NTM: variants seen among roughly 807,000 people sequenced by gnomAD.
NTM encodes IgLON family member 2.
In NTM, 13 loss-of-function variants were observed where a neutral mutation model predicts 42.1. The observed-to-expected ratio is 0.31, with a 90% CI of 0.20 to 0.49. The LOEUF (loss-of-function observed/expected upper bound fraction) is 0.49, where lower values mean the gene tolerates loss of function less well. NTM is among the 20% of genes least tolerant of loss of function. The probability of loss-of-function intolerance (pLI) is 0.99; values close to 1 mark genes in which losing one functional copy is unlikely to be tolerated. For missense variants in NTM, 373 were observed against 452.8 expected (o/e 0.82, Z 1.60); for synonymous variants, 187 against 179.2 (o/e 1.04, Z -0.35).
chr11:131,640,007 A>T (rs2008301), intron 1 of NTM, among the ~76,000 whole-genome samples: 7,787 of 152,042 alleles, frequency 0.051, 654 homozygotes, highest in African/African-American at 0.18. Context: ...AAATAAAAAA[A>T]AAGTGAATGG....
chr11:131,798,069 G>T (rs902925304), intron 1 of NTM, among the ~76,000 whole-genome samples: 1 of 152,138 alleles, frequency 6.6e-6, no homozygotes, highest in Non-Finnish European at 1.5e-5. Flanking sequence ...ACTGCCCAAG[G>T]TTGGCAGCTG....
At chr11:131,648,631 C>T (rs374899341) in intron 1 of NTM, among the ~76,000 whole-genome samples, 11 of 152,208 alleles carry the variant, frequency 7.2e-5, no homozygotes, top group South Asian at 6.2e-4. Flanking sequence ...TTGTGTCCTG[C>T]GACAAGTACA....
chr11:131,547,226 C>T (rs2054062984), intron 1 of NTM, among the ~76,000 whole-genome samples: 1 of 152,172 alleles, frequency 6.6e-6, no homozygotes. Context: ...ACCCACAAGT[C>T]AGTGAATGTT....
chr11:131,578,036 C>T (rs185542965), intron 1 of NTM, among the ~76,000 whole-genome samples: 3 of 152,262 alleles, frequency 2.0e-5, no homozygotes, highest in East Asian at 3.9e-4. Context: ...CAATGTCAAG[C>T]GGCAGGCTGC....
At chr11:131,593,154 A>G (rs1406280644) in intron 1 of NTM, among the ~76,000 whole-genome samples, 1 of 152,112 alleles carries the variant, frequency 6.6e-6, no homozygotes, top group Non-Finnish European at 1.5e-5. Context: ...CAATAGATGA[A>G]ATAGGCAAAG....
chr11:132,143,219 GT>G (rs546192687), intron 2 of NTM, among the ~76,000 whole-genome samples: 7 of 152,142 alleles, frequency 4.6e-5, no homozygotes, highest in Non-Finnish European at 8.8e-5. Flanking sequence ...ACACGTCTAG[GT>G]TAGAGGTTCT....
chr11:132,254,284 T>G (rs1417279647), intron 4 of NTM, among the ~76,000 whole-genome samples: 1 of 152,062 alleles, frequency 6.6e-6, no homozygotes, highest in Non-Finnish European at 1.5e-5. Flanking sequence ...CCAGCATTCT[T>G]CAATCTCCTT....
At chr11:132,266,277 C>T (rs1591624763) in intron 4 of NTM, among the ~76,000 whole-genome samples, 1 of 152,160 alleles carries the variant, frequency 6.6e-6, no homozygotes, top group South Asian at 2.1e-4. Context: ...CCCAGTCTCC[C>T]AGGCAGCTAG....
At chr11:131,975,591 C>A (rs2064211279) in intron 2 of NTM, among the ~76,000 whole-genome samples, 1 of 152,094 alleles carries the variant, frequency 6.6e-6, no homozygotes, top group South Asian at 2.1e-4. Flanking sequence ...TAAATAAGGG[C>A]CTACGTGAAT....
chr11:132,129,619 G>A (rs1027633038), intron 2 of NTM, among the ~76,000 whole-genome samples: 1 of 152,128 alleles, frequency 6.6e-6, no homozygotes, highest in Non-Finnish European at 1.5e-5. Context: ...GCTTCCTGTG[G>A]GCTCTACCTC....
intron 1 of NTM, among the ~76,000 whole-genome samples, chr11:131,822,599 G>A (rs2093236846): frequency 6.6e-6 from 1 of 152,240 alleles, no homozygotes; most frequent in South Asian, 2.1e-4. Context: ...TCTTGAATCA[G>A]CAACTGATAA....
intron 3 of NTM, among the ~76,000 whole-genome samples, chr11:132,175,053 C>G (rs975280702): frequency 2.0e-5 from 3 of 152,068 alleles, no homozygotes; most frequent in African/African-American, 7.2e-5. Flanking sequence ...TAGCAGCATT[C>G]GGTCTTGGAA....
intron 3 of NTM, among the ~76,000 whole-genome samples, chr11:132,203,911 A>C (rs1445964670): frequency 2.3e-5 from 2 of 85,662 alleles, no homozygotes; most frequent in East Asian, 7.5e-4. Flanking sequence ...AAAACAAAAA[A>C]CAGCAACAAC....
chr11:131,967,031 C>G (rs1181342602), intron 2 of NTM, among the ~76,000 whole-genome samples: 1 of 152,134 alleles, frequency 6.6e-6, no homozygotes, highest in Non-Finnish European at 1.5e-5. Context: ...CAAGTTGCCA[C>G]TATCTAAGAT....
intron 2 of NTM, among the ~76,000 whole-genome samples, chr11:131,953,262 A>AT (rs1198022126): frequency 2.0e-5 from 3 of 152,046 alleles, no homozygotes; most frequent in Non-Finnish European, 2.9e-5. Flanking sequence ...GGCACGCTCT[A>AT]TTTTTTTCCA....
At chr11:132,107,176 G>C (rs2062486973) in intron 2 of NTM, among the ~76,000 whole-genome samples, 1 of 151,870 alleles carries the variant, frequency 6.6e-6, no homozygotes, top group Non-Finnish European at 1.5e-5. Flanking sequence ...AGAGGCATTG[G>C]GACTGTCAGC....
chr11:131,757,717 C>A (rs765191089), intron 1 of NTM, among the ~76,000 whole-genome samples: 4 of 151,928 alleles, frequency 2.6e-5, no homozygotes, highest in Non-Finnish European at 4.4e-5. Flanking sequence ...TTGTTTTTTT[C>A]TTAACAGGAT....
At chr11:131,425,049 C>G (rs574350199) in intron 1 of NTM, among the ~76,000 whole-genome samples, 1 of 151,010 alleles carries the variant, frequency 6.6e-6, no homozygotes, top group East Asian at 2.0e-4. Flanking sequence ...CTGGCTAATC[C>G]TTTTGTATTT....
In NTM at chr11:131,899,160, T is replaced by C. The variant is rs77094761; in HGVS notation, c.83-12404T>C. Among the ~76,000 whole-genome samples, 13 of 136,296 alleles carry C rather than the reference T, an allele frequency of 9.5e-5. No individual in the cohort carries two copies. In the East Asian group the frequency reaches 2.1e-3, roughly 22 times the overall value. 89.4% of individuals were successfully genotyped at this position (136,296 alleles called of 152,430 possible). A position where few individuals can be genotyped will look rare whatever the true frequency, so the allele number is the denominator to read the frequency against. ...AAGTGAAGTATGTGTCCAAGGTAAA[T>C]TCAGAGGCAGTGTACAAAAAACAAG... On this transcript the variant is annotated intron_variant, in intron 1 of 8. Coordinates refer to ENST00000683400, the MANE Select transcript of NTM (RefSeq NM_001352005.2).
Sources: gnomAD v4.1 joint callset for allele counts (sites outside exome capture counted in the v4.1 genomes callset) on GRCh38, gnomAD v4.1.1 for gene constraint, MANE v1.5 for transcripts, NCBI Gene and HGNC (gene_info 2026-07-23, HGNC 2026-07-21) for gene names.